GIGYF2: variants seen among roughly 807,000 people sequenced by gnomAD.
The protein encoded by GIGYF2 is GRB10 interacting GYF protein 2.
In GIGYF2, 25 loss-of-function variants were observed where a neutral mutation model predicts 208.1. The ratio of observed to expected loss-of-function variants is 0.12; its 90% confidence interval spans 0.09 to 0.17. The LOEUF is 0.17. Among genes scored for constraint, GIGYF2 ranks in the 10% least tolerant of loss-of-function variants. The pLI is 1.00. For missense variants in GIGYF2, 1,302 were observed against 1,579.4 expected (o/e 0.82, Z 2.98); for synonymous variants, 534 against 543.8 (o/e 0.98, Z 0.25).
chr2:232,730,194 T>TC (rs1353558268), intron 2 of GIGYF2: 2 of 1,391,008 alleles, frequency 1.4e-6, no homozygotes, highest in Non-Finnish European at 2.0e-6. Context: ...GTCTCTGAAA[T>TC]CCATGGCATC....
chr2:232,716,900 G>T (rs1361601930), intron 2 of GIGYF2, among the ~76,000 whole-genome samples: 1 of 151,738 alleles, frequency 6.6e-6, no homozygotes, highest in African/African-American at 2.4e-5. Context: ...CAACCTCCTG[G>T]GCTCAGGTGA....
At chr2:232,762,842 C>G (rs1698802060) in intron 8 of GIGYF2, among the ~76,000 whole-genome samples, 1 of 151,870 alleles carries the variant, frequency 6.6e-6, no homozygotes, top group Non-Finnish European at 1.5e-5. Context: ...ATGGTGAAAC[C>G]ATGTCTCTAC....
At chr2:232,853,060 C>G (rs1459878967) in intron 28 of GIGYF2, among the ~76,000 whole-genome samples, 1 of 152,178 alleles carries the variant, frequency 6.6e-6, no homozygotes. Context: ...TACTGCTCAC[C>G]TAAACCTCAC....
chr2:232,831,917 C>G (rs781708582), intron 21 of GIGYF2, among the ~76,000 whole-genome samples: 17 of 152,158 alleles, frequency 1.1e-4, no homozygotes, highest in Non-Finnish European at 2.4e-4. Context: ...CATGGCTACC[C>G]CTAGTTAACA....
chr2:232,843,841 A>T, intron 23 of GIGYF2, among the ~76,000 whole-genome samples: 1 of 152,254 alleles, frequency 6.6e-6, no homozygotes, highest in East Asian at 1.9e-4. Flanking sequence ...ACAATAAAAA[A>T]AGAAGTAATT....
At chr2:232,736,068 T>C (rs1697720435) in intron 3 of GIGYF2, 26 of 973,808 alleles carry the variant, frequency 2.7e-5, no homozygotes, top group Non-Finnish European at 3.2e-5. Context: ...AGGAGTCTTA[T>C]TAACTTATCC....
At chr2:232,709,193 T>A (rs1276270676) in intron 2 of GIGYF2, among the ~76,000 whole-genome samples, 6 of 152,188 alleles carry the variant, frequency 3.9e-5, no homozygotes, top group African/African-American at 1.4e-4. Flanking sequence ...TAACTATCCT[T>A]ATCTGTAAAG....
chr2:232,760,352 C>T (rs1185530669), intron 6 of GIGYF2, 128 bp from the exon 7 acceptor site: 4 of 700,994 alleles, frequency 5.7e-6, no homozygotes, highest in South Asian at 3.1e-5. Flanking sequence ...CATCAGGCCT[C>T]GTTCAGTATT....
At chr2:232,842,706 T>G (rs971558811) in intron 23 of GIGYF2, among the ~76,000 whole-genome samples, 1 of 152,202 alleles carries the variant, frequency 6.6e-6, no homozygotes, top group Non-Finnish European at 1.5e-5. Flanking sequence ...AGATTCTGGC[T>G]GGGTTGTTCT....
At position 232,806,872 on chromosome 2, in the gene GIGYF2, A is replaced by G. The variant is rs965002595; in HGVS notation, c.1806+215A>G. ...CCTGTGCCCATCCTCTTCACACCCC[A>G]GCTCCTCCCCAACAGGGAAACGGAA... is the stretch of plus-strand genomic sequence containing the variant. On this transcript the variant is annotated intron_variant, in intron 15 of 28. Coordinates refer to ENST00000373563, the MANE Select transcript of GIGYF2 (RefSeq NM_001103146.3). This position sits in a 1 kb window ranked among gnomAD's most constrained non-coding sequence, Gnocchi z 4.0. Among the ~76,000 whole-genome samples the G allele has an allele frequency of 3.3e-5, 5 of 152,144 alleles. No individual in the cohort carries two copies. The highest frequency in any genetic ancestry group is 1.3e-4 in the Admixed American group (2 of 15,276).
chr2:232,813,187 C>CTTT (rs894736273), intron 18 of GIGYF2, among the ~76,000 whole-genome samples: 17 of 123,884 alleles, frequency 1.4e-4, no homozygotes, highest in South Asian at 7.9e-4. Context: ...TCTTTGCTTT[C>CTTT]TTTTTTTTTT....
In GIGYF2 at chr2:232,847,517, ACAGCAG is replaced by A; in HGVS notation, c.3644_3649del (p.Gln1215_Gln1216del). ...AGCAGCGTCAGCAGCAGCAGCTGCC[ACAGCAG>A]CAGCAGCAGCAGCCGCCACAGCAGC... is the stretch of plus-strand genomic sequence containing the variant. On this transcript the variant is annotated inframe_deletion, in exon 27 of 29. Coordinates refer to ENST00000373563, the MANE Select transcript of GIGYF2 (RefSeq NM_001103146.3). 3 of 415,918 alleles carry A rather than the reference ACAGCAG, an allele frequency of 7.2e-6. No homozygotes were observed. Among genetic ancestry groups the A allele is most frequent in the Non-Finnish European group, 1.1e-5 (3 of 279,346 alleles). The allele number at this position is 415,918 out of a possible 1,614,324, so 25.8% of individuals were successfully genotyped here.
Position 232,844,272 on chromosome 2 carries a change from A to T in GIGYF2, c.3099+17A>T. ...AACAATACGGTGTGTGCATTTTCCT[A>T]AGCTGTCGTTGTATGGACTAGTATT... is the stretch of plus-strand genomic sequence containing the variant. On this transcript the variant is annotated intron_variant, in intron 24 of 28. Transcript: ENST00000373563. 1 of 1,601,214 alleles carries T rather than the reference A, an allele frequency of 6.2e-7. No homozygotes were observed.
At chr2:232,753,097 GTATT>G (rs58602448) in intron 5 of GIGYF2, among the ~76,000 whole-genome samples, 7,092 of 143,238 alleles carry the variant, frequency 0.05, 184 homozygotes, top group African/African-American at 0.1. Context: ...ACACTTGACA[GTATT>G]TATTTATTTA....
chr2:232,697,659 G>C (rs554003610), intron 1 of GIGYF2, among the ~76,000 whole-genome samples: 1 of 152,366 alleles, frequency 6.6e-6, no homozygotes, highest in South Asian at 2.1e-4. Context: ...GCGAGGAGCC[G>C]AGAAGCCCCT....
intron 22 of GIGYF2, among the ~76,000 whole-genome samples, chr2:232,839,256 CA>C (rs1021412159): frequency 3.3e-5 from 5 of 152,060 alleles, no homozygotes; most frequent in African/African-American, 1.2e-4. Context: ...CTATTTTAGT[CA>C]ATAATCTTAA....
intron 21 of GIGYF2, among the ~76,000 whole-genome samples, chr2:232,824,509 A>G (rs572298028): frequency 6.6e-6 from 1 of 152,338 alleles, no homozygotes; most frequent in Admixed American, 6.5e-5. Flanking sequence ...ATCCAGAACA[A>G]GGCCTCAAAA....
intron 28 of GIGYF2, among the ~76,000 whole-genome samples, chr2:232,856,565 T>G (rs1690580283): frequency 6.6e-6 from 1 of 152,076 alleles, no homozygotes; most frequent in African/African-American, 2.4e-5. Flanking sequence ...TGGTGGCATG[T>G]GTCTGTAATC....
intron 9 of GIGYF2, among the ~76,000 whole-genome samples, chr2:232,790,229 C>A (rs759979073): frequency 6.6e-6 from 1 of 152,094 alleles, no homozygotes; most frequent in African/African-American, 2.4e-5. Flanking sequence ...TATAAGTCAA[C>A]ACAGGGAGCT....
Sources: allele counts gnomAD v4.1 joint callset (sites outside exome capture counted in the v4.1 genomes callset), GRCh38; gene constraint gnomAD v4.1.1; non-coding constraint Gnocchi (gnomAD v3.1); transcripts MANE v1.5; gene names NCBI Gene and HGNC (gene_info 2026-07-23, HGNC 2026-07-21).